The following SGSH variants were observed in gnomAD, a reference collection of about 807,000 sequenced individuals.
SGSH encodes N-sulfoglucosamine sulfohydrolase.
In SGSH, 48 loss-of-function variants were observed where a neutral mutation model predicts 51.0. The ratio of observed to expected loss-of-function variants is 0.94; its 90% CI spans 0.75 to 1.20. SGSH has a LOEUF of 1.20. Among genes scored for constraint, SGSH ranks in the 50% most tolerant of loss-of-function variants. The probability of loss-of-function intolerance (pLI) is 0.00; values close to 1 mark genes in which losing one functional copy is unlikely to be tolerated. For missense variants in SGSH, 662 were observed against 717.8 expected (o/e 0.92, Z 0.89); for synonymous variants, 321 against 313.4 (o/e 1.02, Z -0.26).
downstream of SGSH, chr17:80,209,258 G>C: frequency 3.2e-6 from 3 of 925,042 alleles, no homozygotes; most frequent in East Asian, 2.4e-4. Context: ...CTAGAATTCA[G>C]GTTGGTATCA....
Position 80,217,119 on chromosome 17 carries a change from G to A in SGSH, c.162C>T (p.Ala54=), listed in dbSNP as rs2144782011. ...AIATPHLDAL[A]RRSLLFRNAF... ...CATTGCGAAAGAGGAGGCTGCGGCGGGCCAAGGCGTCCAGGTGCGGGGTGG... is the reference window on the plus strand; with the variant it reads ...CATTGCGAAAGAGGAGGCTGCGGCGAGCCAAGGCGTCCAGGTGCGGGGTGG... Residue 54 remains alanine, a synonymous_variant, in exon 2 of 8, where the codon GCC becomes GCT. Coordinates refer to ENST00000326317, the MANE Select transcript of SGSH (RefSeq NM_000199.5). The A allele has an allele frequency of 6.2e-7, 1 of 1,602,520 alleles. No homozygotes were observed. The highest frequency in any genetic ancestry group is 8.5e-7 in the Non-Finnish European group (1 of 1,176,344).
chr17:80,204,627 GAA>G (rs35116471), downstream of SGSH: 857 of 291,684 alleles, frequency 2.9e-3, no homozygotes, highest in East Asian at 6.9e-3. Context: ...TCTGTCTCAG[GAA>G]AAAAAAAAAA....
At chr17:80,211,959 G>A (rs778010810) in intron 7 of SGSH, 112 bp downstream of exon 7, 4 of 866,444 alleles carry the variant, frequency 4.6e-6, no homozygotes, top group Non-Finnish European at 7.6e-6. Flanking sequence ...TCCTCACCCA[G>A]ATGATATGAG....
At chr17:80,211,123 C>T in intron 7 of SGSH, 112 bp from the exon 8 acceptor site, 1 of 1,535,682 alleles carries the variant, frequency 6.5e-7, no homozygotes, top group Non-Finnish European at 8.7e-7. Flanking sequence ...ATCCAATCAG[C>T]AGCGGGAGGT....
chr17:80,216,665 G>A (rs528720800), intron 2 of SGSH: 12 of 283,548 alleles, frequency 4.2e-5, no homozygotes, highest in Middle Eastern at 1.2e-3. Flanking sequence ...TGGCCATGGC[G>A]GTTCACGCTG....
downstream of SGSH, chr17:80,209,215 T>G: frequency 1.3e-6 from 1 of 745,294 alleles, no homozygotes; most frequent in African/African-American, 1.9e-5. Flanking sequence ...GAATGTCATT[T>G]TGACAGCAGT....
Position 80,215,514 on chromosome 17 carries a change from G to C in SGSH, c.250-376C>G, listed in dbSNP as rs1349411986. ...AGTTATTTTATATTGTAAAAGATGT[G>C]TACATTTTAAAAACTCAGACTGCCG... On this transcript the variant is annotated intron_variant, in intron 2 of 7. Transcript: ENST00000326317. Among the ~76,000 whole-genome samples the C allele has an allele frequency of 3.3e-5, 5 of 152,350 alleles. No individual in the cohort carries two copies. The East Asian group carries it at 9.6e-4, about 29-fold the overall frequency.
downstream of SGSH, chr17:80,207,016 T>C (rs766816713): frequency 6.2e-7 from 1 of 1,614,018 alleles, no homozygotes; most frequent in Admixed American, 1.7e-5. Flanking sequence ...GTCTGCACCC[T>C]GCACAGGATG....
rs1287915281 is a variant in SGSH, at chr17:80,210,620, C to CTCGTGGGGGTCCCGGCTCCGG, written c.1320_1340dup (p.Asp440_His446dup). 6.2e-7 allele frequency: 1 copy of CTCGTGGGGGTCCCGGCTCCGG among 1,613,736 alleles called. No individual in the cohort carries two copies. The highest frequency in any genetic ancestry group is 8.5e-7 in the Non-Finnish European group (1 of 1,179,984). On this transcript the variant is annotated inframe_insertion, in exon 8 of 8. Coordinates refer to ENST00000326317, the MANE Select transcript of SGSH (RefSeq NM_000199.5). ...GCGGGTCGGTGGCCAGGTTCTGGGT[C>CTCGTGGGGGTCCCGGCTCCGG]TCGTGGGGGTCCCGGCTCCGGTCGT... is the stretch of plus-strand genomic sequence containing the variant.
chr17:80,210,555 GC>G lies in SGSH; in HGVS notation c.1405del (p.Ala469ProfsTer122). The G allele has an allele frequency of 1.2e-6, 2 of 1,612,678 alleles. No individual in the cohort carries two copies. The highest frequency in any genetic ancestry group is 2.2e-5 in the South Asian group (2 of 91,020). On this transcript the variant is annotated frameshift_variant, in exon 8 of 8. Coordinates refer to ENST00000326317, the MANE Select transcript of SGSH (RefSeq NM_000199.5). LOFTEE classifies it high-confidence loss of function. ...GTCGTGGGTCTCCCACTGCCACTTG[GC>G]CAGCTGGTCCCGAAGCATCTCCAGA... ...QLLEMLRDQL[A>X]KWQWETHDPW...
chr17:80,208,391 T>C (rs75486216), downstream of SGSH: 16,931 of 1,487,328 alleles, frequency 0.011, 170 homozygotes, highest in South Asian at 0.034. Flanking sequence ...TGTGTGCCTG[T>C]TAATGCAGTC....
chr17:80,202,012 C>T (rs988161730), downstream of SGSH: 18 of 1,274,724 alleles, frequency 1.4e-5, no homozygotes, highest in Non-Finnish European at 1.7e-5. Flanking sequence ...CCCAGGTCCC[C>T]AGGAGGCCCC....
At chr17:80,217,778 C>T (rs757375505) in intron 1 of SGSH, among the ~76,000 whole-genome samples, 2 of 151,356 alleles carry the variant, frequency 1.3e-5, no homozygotes, top group Admixed American at 6.6e-5. Flanking sequence ...AGGGATGATG[C>T]GTGGTTGGTA....
downstream of SGSH, chr17:80,208,075 A>T: frequency 7.7e-7 from 1 of 1,303,690 alleles, no homozygotes; most frequent in Non-Finnish European, 1.0e-6. Flanking sequence ...TCACTACCCT[A>T]GCCAGGGCTC....
chr17:80,204,493 G>A (rs144536645), downstream of SGSH: 1,811 of 683,078 alleles, frequency 2.7e-3, 2 homozygotes, highest in Non-Finnish European at 3.8e-3. Context: ...GTGTGGTGGC[G>A]CACACCTGTA....
downstream of SGSH, chr17:80,208,851 CA>C (rs2041499608): frequency 6.5e-6 from 1 of 152,850 alleles, no homozygotes; most frequent in Non-Finnish European, 1.5e-5. Flanking sequence ...CAGAAGCCCA[CA>C]TATGCTGTGA....
chr17:80,210,541 C>T lies in SGSH; in HGVS notation c.1420G>A (p.Glu474Lys). Residue 474 changes from glutamate (E) to lysine (K), a missense_variant, in exon 8 of 8, where the codon GAG becomes AAG. Glu to Lys is a moderately conservative substitution (Grantham distance 56). Transcript: ENST00000326317. ...GCGCACACCCAGGGGTCGTGGGTCT[C>T]CCACTGCCACTTGGCCAGCTGGTCC... ...LRDQLAKWQW[E>K]THDPWVCAPD... The T allele has an allele frequency of 1.2e-6, 2 of 1,612,148 alleles. No individual in the cohort carries two copies. Among genetic ancestry groups the T allele is most frequent in the Non-Finnish European group, 1.7e-6 (2 of 1,179,796 alleles).
chr17:80,201,516 G>GGTTGGCA, the SGSH span: 7 of 552,622 alleles, frequency 1.3e-5, no homozygotes, highest in African/African-American at 1.4e-4. The surrounding 1 kb of genome is among the most constrained non-coding windows in gnomAD (Gnocchi z 5.0). Context: ...ACTGGGGAAG[G>GGTTGGCA]GTTGGCAGTT....
intron 2 of SGSH, among the ~76,000 whole-genome samples, chr17:80,216,557 T>C (rs998135982): frequency 6.6e-6 from 1 of 152,144 alleles, no homozygotes; most frequent in Admixed American, 6.5e-5. Context: ...ATGGCTAAGA[T>C]GGGAATGTTG....
Sources: gnomAD v4.1 joint callset for allele counts (sites outside exome capture counted in the v4.1 genomes callset) on GRCh38, gnomAD v4.1.1 for gene constraint, Gnocchi (gnomAD v3.1) non-coding constraint, MANE v1.5 for transcripts, NCBI Gene and HGNC (gene_info 2026-07-23, HGNC 2026-07-21) for gene names.